HIBADH: variants seen among roughly 807,000 people sequenced by gnomAD.
The protein encoded by HIBADH is 3-hydroxyisobutyrate dehydrogenase, mitochondrial.
In HIBADH, 25 loss-of-function variants were observed where a neutral mutation model predicts 36.1. The observed-to-expected ratio is 0.69, with a 90% CI of 0.50 to 0.97. HIBADH has a LOEUF of 0.97. Among genes scored for constraint, HIBADH ranks in the 50% least tolerant of loss-of-function variants. HIBADH has a pLI of 0.00. For synonymous variants in HIBADH, 160 were observed against 149.5 expected (o/e 1.07, Z -0.51); for missense variants, 421 against 418.0 (o/e 1.01, Z -0.06).
chr7:27,604,951 A>G (rs984859631), intron 4 of HIBADH, among the ~76,000 whole-genome samples: 1 of 152,148 alleles, frequency 6.6e-6, no homozygotes, highest in Non-Finnish European at 1.5e-5. Flanking sequence ...GAGTAGCACT[A>G]AGCTTTTTGC....
intron 4 of HIBADH, among the ~76,000 whole-genome samples, chr7:27,609,515 G>C (rs1270579856): frequency 6.6e-6 from 1 of 152,168 alleles, no homozygotes; most frequent in Non-Finnish European, 1.5e-5. Flanking sequence ...AGAGTGATAA[G>C]TAAAATTATG....
chr7:27,544,668 T>A (rs1784208783), intron 4 of HIBADH, among the ~76,000 whole-genome samples: 1 of 152,206 alleles, frequency 6.6e-6, no homozygotes, highest in African/African-American at 2.4e-5. Context: ...TGATCTCACC[T>A]AGAGAAATTA....
intron 6 of HIBADH, among the ~76,000 whole-genome samples, chr7:27,535,465 G>A (rs561273339): frequency 9.5e-4 from 144 of 152,260 alleles, no homozygotes; most frequent in African/African-American, 3.3e-3. Flanking sequence ...CAATACAGTG[G>A]TTGCTGGAGG....
intron 4 of HIBADH, among the ~76,000 whole-genome samples, chr7:27,613,054 A>T (rs993613795): frequency 1.9e-5 from 2 of 107,242 alleles, no homozygotes; most frequent in Non-Finnish European, 4.2e-5. Context: ...AAATATATAT[A>T]ATATAATTTA....
At chr7:27,614,294 T>G (rs7778320) in intron 4 of HIBADH, among the ~76,000 whole-genome samples, 96,575 of 152,004 alleles carry the variant, frequency 0.64, 31,274 homozygotes, top group East Asian at 0.94. Context: ...ATACAACATT[T>G]TAAACATAGT....
chr7:27,551,775 T>C (rs923294891), intron 4 of HIBADH, among the ~76,000 whole-genome samples: 44 of 152,238 alleles, frequency 2.9e-4, no homozygotes, highest in African/African-American at 1.0e-3. Context: ...TCCATTGATA[T>C]ATAGCCAAAC....
intron 1 of HIBADH, among the ~76,000 whole-genome samples, 186 bp downstream of exon 1, chr7:27,662,512 A>AG (rs1172069784): frequency 6.6e-6 from 1 of 152,206 alleles, no homozygotes; most frequent in African/African-American, 2.4e-5. Flanking sequence ...GGGAAGGCAG[A>AG]GGGGGGTACT....
intron 4 of HIBADH, among the ~76,000 whole-genome samples, chr7:27,615,248 G>A (rs1163888713): frequency 4.6e-5 from 7 of 152,192 alleles, no homozygotes; most frequent in African/African-American, 1.7e-4. Context: ...GAACGAGACT[G>A]AAGGGAGGAA....
At chr7:27,624,201 A>G (rs1421716485) in intron 4 of HIBADH, among the ~76,000 whole-genome samples, 1 of 152,214 alleles carries the variant, frequency 6.6e-6, no homozygotes, top group East Asian at 1.9e-4. Flanking sequence ...TCAGAAAAAA[A>G]AAAATCCTAA....
At chr7:27,526,743 G>C (rs1159736587) in intron 7 of HIBADH, among the ~76,000 whole-genome samples, 1 of 152,088 alleles carries the variant, frequency 6.6e-6, no homozygotes, top group African/African-American at 2.4e-5. Context: ...TGCAAAACAG[G>C]AAATACAGTT....
intron 4 of HIBADH, among the ~76,000 whole-genome samples, chr7:27,608,525 A>G (rs776454532): frequency 3.9e-5 from 6 of 152,006 alleles, no homozygotes; most frequent in Admixed American, 1.3e-4. Flanking sequence ...AAAACTTCAA[A>G]TAAGTCTGAT....
intron 4 of HIBADH, among the ~76,000 whole-genome samples, chr7:27,554,673 G>A (rs1160029579): frequency 6.6e-6 from 1 of 152,168 alleles, no homozygotes; most frequent in African/African-American, 2.4e-5. Context: ...AGTAATGGCT[G>A]TCAGAGGAGA....
chr7:27,621,922 A>G (rs1374946156), intron 4 of HIBADH, among the ~76,000 whole-genome samples: 3 of 152,282 alleles, frequency 2.0e-5, no homozygotes, highest in Admixed American at 6.5e-5. Context: ...CTGAATGACC[A>G]CTGTGGTTGA....
At chr7:27,607,890 G>C (rs1051088586) in intron 4 of HIBADH, among the ~76,000 whole-genome samples, 5 of 152,136 alleles carry the variant, frequency 3.3e-5, no homozygotes, top group African/African-American at 1.2e-4. Flanking sequence ...CTATTTCAGT[G>C]TCTGCCAAGA....
chr7:27,589,492 C>A (rs1485174835), intron 4 of HIBADH, among the ~76,000 whole-genome samples: 1 of 152,114 alleles, frequency 6.6e-6, no homozygotes, highest in African/African-American at 2.4e-5. Flanking sequence ...TACTGTGGAT[C>A]AGACACTTTT....
At chr7:27,533,611 CTGAAG>C (rs930563303) in intron 6 of HIBADH, among the ~76,000 whole-genome samples, 5 of 152,180 alleles carry the variant, frequency 3.3e-5, no homozygotes, top group African/African-American at 1.2e-4. Flanking sequence ...AAATCAGTTA[CTGAAG>C]TCCTCTGTTT....
intron 4 of HIBADH, among the ~76,000 whole-genome samples, chr7:27,543,667 T>C (rs1174086499): frequency 6.6e-6 from 1 of 152,214 alleles, no homozygotes; most frequent in Non-Finnish European, 1.5e-5. Context: ...AGGAAAACTT[T>C]GCTTATTTTG....
rs1257819272 is a variant in HIBADH, at chr7:27,662,718, G to A, written c.71C>T (p.Ala24Val). 1.2e-5 allele frequency: 17 copies of A among 1,377,648 alleles called. No homozygotes were observed. Among genetic ancestry groups the A allele is most frequent in the African/African-American group, 1.5e-5 (1 of 65,690 alleles). 85.3% of individuals were successfully genotyped at this position (1,377,648 alleles called of 1,614,324 possible). A position where few individuals can be genotyped will look rare whatever the true frequency, so the allele number is the denominator to read the frequency against. The change falls in exon 1 of 8, where the codon GCA becomes GTA. Residue 24 changes from alanine (A) to valine (V), a missense_variant. Physicochemically the swap from Ala to Val is moderately conservative, Grantham distance 64 (BLOSUM62 0). Transcript: ENST00000265395. ...CTTACCCGCTGCAAAGCTGCCGGCT[G>A]CCGGCCGCAGCCGCCGGCTCCAGTA... is the stretch of plus-strand genomic sequence containing the variant. ...LRYWSRRLRPAAGSFAAVCSR... is the reference protein window; with the variant it reads ...LRYWSRRLRPVAGSFAAVCSR...
At chr7:27,612,332 CTT>C (rs1411582908) in intron 4 of HIBADH, among the ~76,000 whole-genome samples, 2 of 136,556 alleles carry the variant, frequency 1.5e-5, no homozygotes, top group Non-Finnish European at 1.6e-5. Context: ...TTTTTTTTTT[CTT>C]TTTTTTTTTG....
Sources: gnomAD v4.1 joint callset for allele counts (sites outside exome capture counted in the v4.1 genomes callset) on GRCh38, gnomAD v4.1.1 for gene constraint, MANE v1.5 for transcripts, NCBI Gene and HGNC (gene_info 2026-07-23, HGNC 2026-07-21) for gene names.